Variants in SLC38A8 observed in about 807,000 individuals in gnomAD.
SLC38A8 encodes solute carrier family 38 member 8, also known as amino acid transporter SLC38A8.
A neutral mutation model predicts 46.0 loss-of-function variants in SLC38A8; 65 were observed. That is an observed-to-expected ratio of 1.41 (90% CI 1.16 to 1.74). SLC38A8 has a LOEUF of 1.74. Ranked by LOEUF, SLC38A8 falls within the 40% of genes most tolerant of loss-of-function variation. SLC38A8 has a pLI of 0.00. For synonymous variants in SLC38A8, 447 were observed against 243.7 expected, an observed-to-expected ratio of 1.83 and a Z score of -7.77; for missense variants, 998 against 567.9, an observed-to-expected ratio of 1.76 and a Z score of -7.70.
chr16:84,026,096 C>T (rs965661094), intron 6 of SLC38A8, among the ~76,000 whole-genome samples: 5 of 152,248 alleles, frequency 3.3e-5, no homozygotes, highest in African/African-American at 1.2e-4. Flanking sequence ...AGTCCCCGAA[C>T]GGCAGCTCTG....
chr16:84,029,280 G>C (rs1194774026), intron 6 of SLC38A8, among the ~76,000 whole-genome samples: 2 of 152,118 alleles, frequency 1.3e-5, no homozygotes, highest in African/African-American at 2.4e-5. Context: ...CAAGTTCAAG[G>C]CAATTCCCAC....
intron 3 of SLC38A8, among the ~76,000 whole-genome samples, chr16:84,036,164 A>C (rs1331273280): frequency 6.6e-6 from 1 of 152,260 alleles, no homozygotes; most frequent in African/African-American, 2.4e-5. Context: ...ATTAAACACT[A>C]CAATTCTAAA....
intron 5 of SLC38A8, among the ~76,000 whole-genome samples, chr16:84,029,811 C>T (rs553110029): frequency 5.9e-5 from 9 of 152,296 alleles, no homozygotes; most frequent in East Asian, 1.9e-4. Flanking sequence ...GCAGGAAAAC[C>T]GCAGTAGGAA....
At chr16:84,038,441 C>T (rs1396719260) in intron 2 of SLC38A8, among the ~76,000 whole-genome samples, 1 of 152,192 alleles carries the variant, frequency 6.6e-6, no homozygotes, top group Non-Finnish European at 1.5e-5. Flanking sequence ...TCCACCCATG[C>T]CTCTGTGAGG....
chr16:84,013,036 A>T lies in SLC38A8; in HGVS notation c.1179T>A (p.Cys393Ter), dbSNP rs769472836. ...GTCCTATAGGCTCGACACCCATTGC[A>T]CAGATGAGGCACAAACCTGCAAAAA... is the stretch of plus-strand genomic sequence containing the variant. ...IFIFPGLCLI[C>*]AMGVEPIGPR... The change falls in exon 10 of 11, where the codon TGT becomes TGA. Residue 393 changes from cysteine (C) to a stop codon, truncating the protein, a stop_gained. Coordinates refer to ENST00000299709, the MANE Select transcript of SLC38A8 (RefSeq NM_001080442.3). LOFTEE classifies it high-confidence loss of function. 6.2e-7 allele frequency: 1 copy of T among 1,614,062 alleles called. No homozygotes were observed.
At chr16:84,031,478 C>G (rs940065265) in intron 5 of SLC38A8, among the ~76,000 whole-genome samples, 11 of 152,360 alleles carry the variant, frequency 7.2e-5, no homozygotes, top group South Asian at 2.1e-4. Context: ...CCCGCCCATG[C>G]TCTCTGCCCT....
chr16:84,037,027 G>A, intron 2 of SLC38A8, 127 bp from the exon 3 acceptor site: 3 of 910,586 alleles, frequency 3.3e-6, no homozygotes, highest in Non-Finnish European at 5.0e-6. Context: ...CTGCCAACAT[G>A]GGGTTGGCAG....
Position 84,015,634 on chromosome 16 carries a change from G to A in SLC38A8, c.1162+885C>T, listed in dbSNP as rs148572814. Among the ~76,000 whole-genome samples the A allele has an allele frequency of 2.5e-3, 373 of 152,174 alleles. 1 individual carries two copies. The highest frequency in any genetic ancestry group is 8.5e-3 in the African/African-American group (351 of 41,522). ...GGAATGGGATCATAAACGTTCCTAC[G>A]TCAAGAATGTCCATCAGGAGCTGTA... On this transcript the variant is annotated intron_variant, in intron 9 of 10. Transcript: ENST00000299709.
intron 7 of SLC38A8, among the ~76,000 whole-genome samples, chr16:84,022,033 G>T (rs958023287): frequency 6.6e-6 from 1 of 152,188 alleles, no homozygotes; most frequent in East Asian, 1.9e-4. Flanking sequence ...TGAGGGCAGA[G>T]GCCTCATGCC....
In SLC38A8 at chr16:84,014,908, C is replaced by T. The variant is rs1053305296; in HGVS notation, c.1162+1611G>A. 3.9e-5 allele frequency among the ~76,000 whole-genome samples: 6 copies of T among 152,078 alleles called. No individual in the cohort carries two copies. The East Asian group carries it at 9.7e-4, about 24-fold the overall frequency. ...CTCCGGGGTATTGACAAAGTTGTCA[C>T]CACCCACTTACCTGGGACCCTGAAC... On this transcript the variant is annotated intron_variant, in intron 9 of 10. Coordinates refer to ENST00000299709, the MANE Select transcript of SLC38A8 (RefSeq NM_001080442.3).
chr16:84,016,616 G>C lies in SLC38A8; in HGVS notation c.1065C>G (p.Val355=). The C allele has an allele frequency of 1.2e-6, 2 of 1,613,950 alleles. No individual in the cohort carries two copies. Among genetic ancestry groups the C allele is most frequent in the African/African-American group, 2.7e-5 (2 of 75,064 alleles). ...WVRMPLTILW[V]TVTLAMALFM... Reference sequence around the variant, plus strand: ...ACAGCGCCATGGCGAGCGTCACGGTGACCCACAGGATGGTCAGCGGCATCC... The same window carrying C: ...ACAGCGCCATGGCGAGCGTCACGGTCACCCACAGGATGGTCAGCGGCATCC... Residue 355 remains valine (V), a synonymous_variant, in exon 9 of 11, where the codon GTC becomes GTG. Coordinates refer to ENST00000299709, the MANE Select transcript of SLC38A8 (RefSeq NM_001080442.3).
intron 4 of SLC38A8, among the ~76,000 whole-genome samples, chr16:84,032,629 A>C (rs1261766403): frequency 2.0e-5 from 3 of 152,206 alleles, no homozygotes; most frequent in African/African-American, 7.2e-5. Context: ...AGAGGGGACA[A>C]GCCGCCCCCT....
chr16:84,036,009 G>C (rs2085295896), intron 3 of SLC38A8, among the ~76,000 whole-genome samples: 1 of 152,182 alleles, frequency 6.6e-6, no homozygotes, highest in South Asian at 2.1e-4. Context: ...AGCACACAAA[G>C]TGTTCTCCAA....
At chr16:84,021,845 G>GGA (rs1344233647) in intron 7 of SLC38A8, among the ~76,000 whole-genome samples, 1 of 152,214 alleles carries the variant, frequency 6.6e-6, no homozygotes, top group East Asian at 1.9e-4. Context: ...CTACATCTGG[G>GGA]GAGAGCCTTC....
chr16:84,020,939 T>G (rs905577583), intron 7 of SLC38A8, among the ~76,000 whole-genome samples: 1 of 152,182 alleles, frequency 6.6e-6, no homozygotes, highest in East Asian at 1.9e-4. Context: ...GATGATCAAT[T>G]TCATCTTCAA....
At position 84,042,015 on chromosome 16, in the gene SLC38A8, G is replaced by T; in HGVS notation, c.143C>A (p.Ala48Asp). ...LGAGLLNFPW[A>D]FSKAGGVVPA... is the part of the protein sequence containing the mutation. ...GACCACTCCGCCCGCTTTGGAGAAG[G>T]CCCAGGGGAAGTTGAGCAGGCCAGC... Residue 48 changes from alanine (A) to aspartate (D), a missense_variant, in exon 2 of 11, where the codon GCC (alanine) becomes GAC (aspartate). Coordinates refer to ENST00000299709, the MANE Select transcript of SLC38A8 (RefSeq NM_001080442.3). 1 of 1,613,102 alleles carries T rather than the reference G, an allele frequency of 6.2e-7. No homozygotes were observed. The highest frequency in any genetic ancestry group is 8.5e-7 in the Non-Finnish European group (1 of 1,179,556).
intron 6 of SLC38A8, among the ~76,000 whole-genome samples, chr16:84,026,904 C>T (rs2085171139): frequency 2.6e-5 from 4 of 152,104 alleles, no homozygotes; most frequent in Non-Finnish European, 5.9e-5. Context: ...TGACTGACGG[C>T]GATGGGTTTC....
chr16:84,017,500 C>CT (rs764302397), intron 7 of SLC38A8, among the ~76,000 whole-genome samples: 60 of 152,360 alleles, frequency 3.9e-4, no homozygotes, highest in Non-Finnish European at 7.1e-4. Flanking sequence ...AAATCCGCCA[C>CT]TTATCCTCCT....
In SLC38A8 at chr16:84,036,717, C is replaced by G. The variant is rs779341858; in HGVS notation, c.373G>C (p.Asp125His). The G allele has an allele frequency of 2.5e-6, 4 of 1,614,062 alleles. No homozygotes were observed. Among genetic ancestry groups the G allele is most frequent in the Non-Finnish European group, 2.5e-6 (3 of 1,180,050 alleles). ...ISVAFLRVIGDQLEKLCDSLL... is the reference protein window; with the variant it reads ...ISVAFLRVIGHQLEKLCDSLL... Reference sequence around the variant, plus strand: ...AGGTACTTACGCTTCTCCAGCTGGTCCCCGATCACCCTGAGGAAGGCCACG... The same window carrying G: ...AGGTACTTACGCTTCTCCAGCTGGTGCCCGATCACCCTGAGGAAGGCCACG... The change falls in exon 3 of 11, where the codon GAC (aspartate) becomes CAC (histidine). Residue 125 changes from aspartate to histidine, a missense_variant. Transcript: ENST00000299709.
Sources: allele counts gnomAD v4.1 joint callset (sites outside exome capture counted in the v4.1 genomes callset), GRCh38; gene constraint gnomAD v4.1.1; transcripts MANE v1.5; gene names NCBI Gene and HGNC (gene_info 2026-07-23, HGNC 2026-07-21).